The following CFAP77 variants were observed in gnomAD, a reference collection of about 807,000 sequenced individuals.
CFAP77 encodes the protein cilia and flagella associated protein 77.
In CFAP77, 25 loss-of-function variants were observed where a neutral mutation model predicts 31.1. That is an observed-to-expected ratio of 0.80 (90% confidence interval 0.59 to 1.12). The LOEUF (loss-of-function observed/expected upper bound fraction) is 1.12, where lower values mean the gene tolerates loss of function less well. Among genes scored for constraint, CFAP77 ranks in the 50% most tolerant of loss-of-function variants. The probability of loss-of-function intolerance (pLI) is 0.00; values close to 1 mark genes in which losing one functional copy is unlikely to be tolerated. For missense variants in CFAP77, 377 were observed against 397.3 expected, an observed-to-expected ratio of 0.95 and a Z score of 0.44; for synonymous variants, 151 against 159.9, an observed-to-expected ratio of 0.94 and a Z score of 0.42.
chr9:132,539,706 C>T lies in CFAP77; in HGVS notation c.630+2000C>T, dbSNP rs1011126030. Among the ~76,000 whole-genome samples, 1 of 152,154 alleles carries T rather than the reference C, an allele frequency of 6.6e-6. No homozygotes were observed. Among genetic ancestry groups the T allele is most frequent in the African/African-American group, 2.4e-5 (1 of 41,424 alleles). ...GGCGTGGCGGGTGCCAGGGCCTCTC[C>T]TGGCTCTTCTCAGCAGTCTGCAGAA... On this transcript the variant is annotated intron_variant, in intron 4 of 5. Coordinates refer to ENST00000393216, the MANE Select transcript of CFAP77 (RefSeq NM_001282957.2). This position sits in a 1 kb window ranked among gnomAD's most constrained non-coding sequence, Gnocchi z 4.3.
intron 3 of CFAP77, chr9:132,513,418 T>A: frequency 6.8e-7 from 1 of 1,478,336 alleles, no homozygotes; most frequent in South Asian, 1.4e-5. Context: ...CTGAGGCCCC[T>A]GTGCACACCT....
intron 1 of CFAP77, among the ~76,000 whole-genome samples, chr9:132,462,634 T>A (rs1851071992): frequency 6.6e-6 from 1 of 152,082 alleles, no homozygotes; most frequent in Admixed American, 6.5e-5. Context: ...GCTAACGTGG[T>A]AAAACCCCGT....
At chr9:132,570,991 T>G (rs188309153) in intron 5 of CFAP77, among the ~76,000 whole-genome samples, 1 of 152,252 alleles carries the variant, frequency 6.6e-6, no homozygotes, top group Non-Finnish European at 1.5e-5. Context: ...GCACAGAGAC[T>G]TTCCCTACAA....
chr9:132,496,043 A>G (rs1851736469), intron 1 of CFAP77, among the ~76,000 whole-genome samples: 1 of 152,084 alleles, frequency 6.6e-6, no homozygotes, highest in East Asian at 1.9e-4. Context: ...TATTTTACCC[A>G]CTCATTTATT....
chr9:132,498,638 A>G lies in CFAP77; in HGVS notation c.196-57A>G, dbSNP rs1851784396. The G allele has an allele frequency of 2.2e-6, 3 of 1,335,832 alleles. No homozygotes were observed. The highest frequency in any genetic ancestry group is 1.4e-5 in the African/African-American group (1 of 69,526). The allele number at this position is 1,335,832 out of a possible 1,614,324, so 82.7% of individuals were successfully genotyped here. ...GGTGCCTCCCTGCTGCCGGATTACAATACATTTGGTCTGAGACTCCACTCC... is the reference window on the plus strand; with the variant it reads ...GGTGCCTCCCTGCTGCCGGATTACAGTACATTTGGTCTGAGACTCCACTCC... On this transcript the variant is annotated intron_variant, in intron 1 of 5. Transcript: ENST00000393216. The surrounding 1 kb of genome is among the most constrained non-coding windows in gnomAD (Gnocchi z 4.2).
At chr9:132,535,262 T>A (rs1160175791) in intron 3 of CFAP77, among the ~76,000 whole-genome samples, 1 of 152,250 alleles carries the variant, frequency 6.6e-6, no homozygotes, top group Non-Finnish European at 1.5e-5. Context: ...TTTATATAAT[T>A]ACTAATTTGC....
chr9:132,420,768 A>G (rs963475382), intron 1 of CFAP77, among the ~76,000 whole-genome samples: 3 of 152,202 alleles, frequency 2.0e-5, no homozygotes, highest in African/African-American at 7.2e-5. Flanking sequence ...TACCAGGCAC[A>G]GTACCAGGCA....
At chr9:132,505,407 T>C (rs1440263339) in intron 3 of CFAP77, among the ~76,000 whole-genome samples, 2 of 152,088 alleles carry the variant, frequency 1.3e-5, no homozygotes, top group African/African-American at 4.8e-5. Context: ...TGTCACTAAA[T>C]CGGAAGGGTG....
At position 132,495,903 on chromosome 9, in the gene CFAP77, G is replaced by T. The variant is rs978233043; in HGVS notation, c.196-2792G>T. 6.6e-6 allele frequency among the ~76,000 whole-genome samples: 1 copy of T among 152,210 alleles called. No individual in the cohort carries two copies. The highest frequency in any genetic ancestry group is 1.5e-5 in the Non-Finnish European group (1 of 68,032). On this transcript the variant is annotated intron_variant, in intron 1 of 5. Coordinates refer to ENST00000393216, the MANE Select transcript of CFAP77 (RefSeq NM_001282957.2). The surrounding 1 kb of genome is among the most constrained non-coding windows in gnomAD (Gnocchi z 4.2). ...AAACCAAGAAGAGAGCCCTCACCAA[G>T]ACACTGGGTCTGTTGGTGTCTAGAT...
chr9:132,561,328 T>TA (rs768652721), intron 5 of CFAP77, among the ~76,000 whole-genome samples: 62 of 151,970 alleles, frequency 4.1e-4, no homozygotes, highest in Non-Finnish European at 6.8e-4. Flanking sequence ...TTTTTTTTTT[T>TA]AGCTCTTTGG....
chr9:132,571,655 G>A (rs1489138206), intron 5 of CFAP77, among the ~76,000 whole-genome samples: 1 of 152,174 alleles, frequency 6.6e-6, no homozygotes, highest in African/African-American at 2.4e-5. Flanking sequence ...ACCCTGTGCC[G>A]CCCTTAGGTT....
intron 3 of CFAP77, among the ~76,000 whole-genome samples, chr9:132,512,884 T>G (rs1852063989): frequency 6.6e-6 from 1 of 152,106 alleles, no homozygotes; most frequent in Admixed American, 6.6e-5. Context: ...GAGGTGGAGG[T>G]TGCAGTGAGC....
Position 132,545,707 on chromosome 9 carries a change from A to C in CFAP77, c.732+2660A>C, listed in dbSNP as rs1369935535. On this transcript the variant is annotated intron_variant, in intron 5 of 5. Transcript: ENST00000393216. This position sits in a 1 kb window ranked among gnomAD's most constrained non-coding sequence, Gnocchi z 4.6. ...CTCCTTGTCAGGAAGTAACACCAAC[A>C]AAAAGTATTTACCGAGCCCTTAGAA... Among the ~76,000 whole-genome samples, 1 of 152,172 alleles carries C rather than the reference A, an allele frequency of 6.6e-6. No homozygotes were observed. The highest frequency in any genetic ancestry group is 1.5e-5 in the Non-Finnish European group (1 of 68,026).
chr9:132,543,157 A>G, intron 5 of CFAP77, 110 bp downstream of exon 5: 1 of 820,204 alleles, frequency 1.2e-6, no homozygotes, highest in Non-Finnish European at 2.1e-6. Context: ...ACCATCGATT[A>G]GTACAACAGC....
At chr9:132,512,507 G>C (rs1044722981) in intron 3 of CFAP77, among the ~76,000 whole-genome samples, 1 of 152,202 alleles carries the variant, frequency 6.6e-6, no homozygotes, top group Non-Finnish European at 1.5e-5. Context: ...TCAAGTCAGA[G>C]TGTCCTGCAT....
intron 5 of CFAP77, among the ~76,000 whole-genome samples, chr9:132,561,488 C>T (rs1486247188): frequency 6.6e-6 from 1 of 151,830 alleles, no homozygotes; most frequent in Admixed American, 6.6e-5. Context: ...GGCTCAGCTG[C>T]CCTGGCAGTG....
At chr9:132,555,732 G>A (rs1564251413) in intron 5 of CFAP77, among the ~76,000 whole-genome samples, 2 of 152,032 alleles carry the variant, frequency 1.3e-5, no homozygotes, top group South Asian at 2.1e-4. Context: ...CGTGCCTCCC[G>A]CCCTTTCCCT....
chr9:132,453,452 G>A (rs1850863945), intron 1 of CFAP77, among the ~76,000 whole-genome samples: 2 of 152,204 alleles, frequency 1.3e-5, no homozygotes, highest in Admixed American at 1.3e-4. Context: ...CTTGAACCCG[G>A]GAGGCGGAGG....
intron 1 of CFAP77, among the ~76,000 whole-genome samples, chr9:132,431,637 G>A (rs558823279): frequency 2.0e-5 from 3 of 152,174 alleles, no homozygotes; most frequent in African/African-American, 7.2e-5. Context: ...ATGACTCAGT[G>A]ATCCTGAATA....
Sources: gnomAD v4.1 joint callset for allele counts (sites outside exome capture counted in the v4.1 genomes callset) on GRCh38, gnomAD v4.1.1 for gene constraint, Gnocchi (gnomAD v3.1) non-coding constraint, MANE v1.5 for transcripts, NCBI Gene and HGNC (gene_info 2026-07-23, HGNC 2026-07-21) for gene names.